ANO4: variants seen among roughly 807,000 people sequenced by gnomAD.
The protein encoded by ANO4 is anoctamin 4, also known as anoctamin-4.
Under a neutral mutation model 141.9 loss-of-function variants are expected in ANO4, and 69 were observed. That is an observed-to-expected ratio of 0.49 (90% confidence interval 0.40 to 0.59). ANO4 has a LOEUF of 0.59. Among genes scored for constraint, ANO4 ranks in the 20% least tolerant of loss-of-function variants. The pLI, the probability that ANO4 is intolerant of heterozygous loss-of-function variation, is 0.00. For synonymous variants in ANO4, 350 were observed against 394.3 expected (o/e 0.89, Z 1.33); for missense variants, 894 against 1,162.2 (o/e 0.77, Z 3.36).
At chr12:100,996,664 A>G (rs1875584) in intron 8 of ANO4, among the ~76,000 whole-genome samples, 42,729 of 152,050 alleles carry the variant, frequency 0.28, 6,512 homozygotes, top group Non-Finnish European at 0.35. Context: ...CAGCCTGGGC[A>G]ACAAGAGTGA....
At chr12:100,989,571 A>G (rs1047898415) in intron 8 of ANO4, among the ~76,000 whole-genome samples, 2 of 149,738 alleles carry the variant, frequency 1.3e-5, no homozygotes, top group Admixed American at 1.3e-4. Flanking sequence ...GGATGGATGG[A>G]TGGATGGATG....
chr12:101,077,756 G>A (rs1173415558), intron 14 of ANO4, among the ~76,000 whole-genome samples: 1 of 152,144 alleles, frequency 6.6e-6, no homozygotes, highest in Non-Finnish European at 1.5e-5. Context: ...GTTATATGTA[G>A]CCTCACATCA....
At position 101,049,559 on chromosome 12, in the gene ANO4, G is replaced by GTGGA. The variant is rs147983546; in HGVS notation, c.1312+1183_1312+1186dup. Among the ~76,000 whole-genome samples the GTGGA allele has an allele frequency of 4.2e-3, 640 of 151,136 alleles. 1 individual carries two copies. Among genetic ancestry groups the GTGGA allele is most frequent in the Middle Eastern group, 0.01 (3 of 294 alleles). On this transcript the variant is annotated intron_variant, in intron 14 of 27. Transcript: ENST00000392977. ...GATGGGTGGGTCAATGGATAGATAG[G>GTGGA]TGGATGGATGGATGGATGGATGGAT... is the stretch of plus-strand genomic sequence containing the variant.
chr12:100,974,879 T>C lies in ANO4; in HGVS notation c.592T>C (p.Phe198Leu). 2 of 1,614,104 alleles carry C rather than the reference T, an allele frequency of 1.2e-6. No homozygotes were observed. The highest frequency in any genetic ancestry group is 2.2e-5 in the East Asian group (1 of 44,858). The change falls in exon 7 of 28, where the codon TTC becomes CTC. Residue 198 changes from phenylalanine (F) to leucine (L), a missense_variant. Around this residue, in one of 2 missense-constraint regions of ANO4, gnomAD observed 257 missense variants for 253.0 expected, o/e 1.02. Transcript: ENST00000392977. Reference protein sequence around the residue: ...KIYYLPRRYKFMSRIDKQISR... With the variant: ...KIYYLPRRYKLMSRIDKQISR... ...CTATTACCTGCCCCGCCGTTACAAG[T>C]TCATGAGCAGGTTAGTAGCACGCTC...
intron 2 of ANO4, among the ~76,000 whole-genome samples, chr12:100,911,515 A>T (rs1464637318): frequency 6.6e-6 from 1 of 152,194 alleles, no homozygotes; most frequent in South Asian, 2.1e-4. Context: ...TATTTCCTTC[A>T]GTGTAAGTGA....
chr12:101,064,856 A>G (rs1420500507), intron 14 of ANO4, among the ~76,000 whole-genome samples: 3 of 152,078 alleles, frequency 2.0e-5, no homozygotes, highest in African/African-American at 7.2e-5. Flanking sequence ...GAAATCTCAC[A>G]TTGTCCTGCT....
At chr12:100,882,889 C>A (rs1283013299) in intron 1 of ANO4, among the ~76,000 whole-genome samples, 1 of 151,948 alleles carries the variant, frequency 6.6e-6, no homozygotes, top group African/African-American at 2.4e-5. Flanking sequence ...TTAGTAGAGA[C>A]GAGGTTTCTC....
intron 4 of ANO4, among the ~76,000 whole-genome samples, chr12:100,941,957 AATT>A (rs138288410): frequency 0.06 from 8,603 of 143,068 alleles, 690 homozygotes; most frequent in African/African-American, 0.19. Context: ...CAATGAAAAA[AATT>A]ATTATTATTA....
chr12:100,928,686 G>T (rs571160301), intron 3 of ANO4, among the ~76,000 whole-genome samples: 1 of 152,268 alleles, frequency 6.6e-6, no homozygotes, highest in African/African-American at 2.4e-5. Flanking sequence ...AATGAGCAAA[G>T]ATTGAATTAG....
chr12:100,924,689 A>T (rs563053739), intron 3 of ANO4, among the ~76,000 whole-genome samples: 1 of 152,192 alleles, frequency 6.6e-6, no homozygotes, highest in Non-Finnish European at 1.5e-5. Context: ...AAATTATGTA[A>T]TTACTTCACT....
At chr12:100,816,775 A>C (rs1421216280) in intron 1 of ANO4, among the ~76,000 whole-genome samples, 2 of 151,878 alleles carry the variant, frequency 1.3e-5, no homozygotes, top group Non-Finnish European at 2.9e-5. Flanking sequence ...ATTGCAAGGA[A>C]GTTTCTGCAC....
chr12:101,060,141 A>G (rs2136723155), intron 14 of ANO4, among the ~76,000 whole-genome samples: 1 of 152,348 alleles, frequency 6.6e-6, no homozygotes, highest in South Asian at 2.1e-4. Context: ...TTATTTACCC[A>G]GTAGTCATTC....
At chr12:100,914,284 G>T (rs2041240282) in intron 2 of ANO4, among the ~76,000 whole-genome samples, 1 of 152,176 alleles carries the variant, frequency 6.6e-6, no homozygotes, top group Non-Finnish European at 1.5e-5. Flanking sequence ...TTCCATTTTA[G>T]ACCTGAGAAA....
At chr12:100,875,880 C>A (rs1348380279) in intron 1 of ANO4, among the ~76,000 whole-genome samples, 3 of 152,140 alleles carry the variant, frequency 2.0e-5, no homozygotes, top group African/African-American at 7.2e-5. Flanking sequence ...GATAACTTAA[C>A]AGTTTGCTCT....
At chr12:100,916,673 A>G (rs1312826852) in intron 2 of ANO4, among the ~76,000 whole-genome samples, 1 of 152,200 alleles carries the variant, frequency 6.6e-6, no homozygotes. Context: ...ACTATAGAAA[A>G]GACAAAATAT....
chr12:101,102,471 T>A (rs1049848612), intron 22 of ANO4, among the ~76,000 whole-genome samples: 2 of 152,214 alleles, frequency 1.3e-5, no homozygotes, highest in African/African-American at 4.8e-5. Flanking sequence ...CTAATAATGC[T>A]GAGCACCTTT....
At chr12:100,821,957 G>A (rs2036078701) in intron 1 of ANO4, among the ~76,000 whole-genome samples, 1 of 151,842 alleles carries the variant, frequency 6.6e-6, no homozygotes, top group Admixed American at 6.6e-5. Context: ...ATATGAAAGT[G>A]CTCATTTCCT....
At chr12:101,067,854 G>T (rs751487129) in intron 14 of ANO4, among the ~76,000 whole-genome samples, 1 of 152,168 alleles carries the variant, frequency 6.6e-6, no homozygotes, top group African/African-American at 2.4e-5. Flanking sequence ...AACAAAATTA[G>T]TACTGAAGCT....
chr12:100,753,095 G>T (rs2032456209), intron 3 of ANO4, among the ~76,000 whole-genome samples: 1 of 152,142 alleles, frequency 6.6e-6, no homozygotes, highest in Non-Finnish European at 1.5e-5. Context: ...TCATGACAGT[G>T]GTGGAAGTGC....
Sources: gnomAD v4.1 joint callset for allele counts (sites outside exome capture counted in the v4.1 genomes callset) on GRCh38, gnomAD v4.1.1 for gene constraint, gnomAD v4.1.1 regional missense constraint, MANE v1.5 for transcripts, NCBI Gene and HGNC (gene_info 2026-07-23, HGNC 2026-07-21) for gene names.